The following SPOP variants were observed in gnomAD, a reference collection of about 807,000 sequenced individuals.
SPOP encodes the protein speckle-type POZ protein.
A neutral mutation model predicts 45.6 loss-of-function variants in SPOP; 11 were observed. The observed-to-expected ratio is 0.24, with a 90% CI of 0.15 to 0.40. The LOEUF is 0.40. SPOP is among the 10% of genes least tolerant of loss of function. SPOP has a pLI of 1.00. For synonymous variants in SPOP, 166 were observed against 166.3 expected (o/e 1.00, Z 0.01); for missense variants, 152 against 465.6 (o/e 0.33, Z 6.20).
At chr17:49,627,025 G>A (rs2537703) in intron 1 of SPOP, among the ~76,000 whole-genome samples, 145,430 of 152,144 alleles carry the variant, frequency 0.96, 69,565 homozygotes, top group East Asian at 1. Flanking sequence ...AATTTTTTGT[G>A]TTTTTAGTAG....
At chr17:49,674,269 A>G (rs1489658421) in intron 1 of SPOP, among the ~76,000 whole-genome samples, 1 of 152,244 alleles carries the variant, frequency 6.6e-6, no homozygotes, top group African/African-American at 2.4e-5. Context: ...GAATAGTTTG[A>G]GTAGAATTGC....
At chr17:49,655,158 C>T (rs1194658482) in intron 1 of SPOP, among the ~76,000 whole-genome samples, 1 of 152,106 alleles carries the variant, frequency 6.6e-6, no homozygotes, top group Non-Finnish European at 1.5e-5. Context: ...CTAGTCAGTT[C>T]TCAATTTTCC....
intron 1 of SPOP, among the ~76,000 whole-genome samples, chr17:49,642,312 C>G (rs1417474402): frequency 6.6e-6 from 1 of 152,038 alleles, no homozygotes; most frequent in East Asian, 1.9e-4. Context: ...CCTTGGGAGG[C>G]CAAGGCAGGC....
intron 5 of SPOP, among the ~76,000 whole-genome samples, chr17:49,617,151 G>A (rs1340463856): frequency 6.6e-6 from 1 of 152,226 alleles, no homozygotes; most frequent in African/African-American, 2.4e-5. Flanking sequence ...AAAAGCTGCA[G>A]TAAAGGTTAT....
chr17:49,657,217 T>A (rs2072925247), intron 1 of SPOP, among the ~76,000 whole-genome samples: 1 of 151,836 alleles, frequency 6.6e-6, no homozygotes, highest in Non-Finnish European at 1.5e-5. Flanking sequence ...AGAATAAAGT[T>A]GATTTTTTTA....
intron 1 of SPOP, among the ~76,000 whole-genome samples, chr17:49,633,765 T>A (rs946330818): frequency 6.6e-6 from 1 of 152,214 alleles, no homozygotes; most frequent in African/African-American, 2.4e-5. Context: ...TGCAACTCCC[T>A]GGACCTTAAA....
At chr17:49,640,510 A>G (rs1181911508) in intron 1 of SPOP, among the ~76,000 whole-genome samples, 3 of 152,168 alleles carry the variant, frequency 2.0e-5, no homozygotes, top group Non-Finnish European at 4.4e-5. Flanking sequence ...AATTTTCTGT[A>G]CTAATATAAA....
chr17:49,664,037 C>G (rs1333666130), intron 1 of SPOP, among the ~76,000 whole-genome samples: 1 of 152,144 alleles, frequency 6.6e-6, no homozygotes. Context: ...AAGACCGCAG[C>G]ATGATATTCT....
At chr17:49,677,186 T>C (rs758755345) in intron 1 of SPOP, among the ~76,000 whole-genome samples, 9 of 152,170 alleles carry the variant, frequency 5.9e-5, no homozygotes, top group Non-Finnish European at 1.3e-4. Context: ...CAAAATCCCC[T>C]GCCAGAATAA....
intron 5 of SPOP, among the ~76,000 whole-genome samples, chr17:49,614,301 T>C (rs1181836961): frequency 6.6e-6 from 1 of 152,208 alleles, no homozygotes; most frequent in East Asian, 1.9e-4. Context: ...ACAAGACTAT[T>C]ATATACAGCA....
In SPOP at chr17:49,669,690, G is replaced by A. The variant is rs112346358; in HGVS notation, c.-67+8243C>T. ...TTAGGTAAGAGAATGGCTTGGACCC[G>A]GGAGGCGGAGGTTGCAGTGAGCCGA... On this transcript the variant is annotated intron_variant, in intron 1 of 9. Coordinates refer to ENST00000504102, the MANE Select transcript of SPOP (RefSeq NM_001007228.2). Among the ~76,000 whole-genome samples, 1,002 of 149,434 alleles carry A rather than the reference G, an allele frequency of 6.7e-3. 4 individuals are homozygous for A. The highest frequency in any genetic ancestry group is 0.023 in the African/African-American group (916 of 40,592).
intron 1 of SPOP, among the ~76,000 whole-genome samples, chr17:49,656,901 G>T (rs1399400559): frequency 6.6e-6 from 1 of 152,122 alleles, no homozygotes; most frequent in African/African-American, 2.4e-5. Context: ...ACTGATTTAG[G>T]CCAGGCGCAG....
rs2143269615 is a variant in SPOP at position 49,619,262 on chromosome 17, A to G, written c.324T>C (p.Asn108=). ...VRAKFKFSIL[N]AKGEETKAME... is the part of the protein sequence containing the mutation. ...TAGCTTTGGTTTCTTCTCCCTTGGC[A>G]TTCAGGATGGAGAATTTGAATTTTG... is the stretch of plus-strand genomic sequence containing the variant. Residue 108 remains asparagine (N), a synonymous_variant, in exon 4 of 10, where the codon AAT becomes AAC. Transcript: ENST00000504102. This position sits in a 1 kb window ranked among gnomAD's most constrained non-coding sequence, Gnocchi z 4.9. The G allele has an allele frequency of 6.2e-7, 1 of 1,614,236 alleles. No homozygotes were observed. The highest frequency in any genetic ancestry group is 8.5e-7 in the Non-Finnish European group (1 of 1,180,042).
At chr17:49,649,701 C>G (rs1403741171) in intron 1 of SPOP, among the ~76,000 whole-genome samples, 1 of 146,234 alleles carries the variant, frequency 6.8e-6, no homozygotes, top group Non-Finnish European at 1.5e-5. Context: ...TGGTGGCAGG[C>G]GCCTGTAGTC....
intron 1 of SPOP, among the ~76,000 whole-genome samples, chr17:49,633,402 G>T (rs892047265): frequency 1.3e-5 from 2 of 152,096 alleles, no homozygotes; most frequent in African/African-American, 4.8e-5. Context: ...CAGTTTACAG[G>T]CTTACTGCTC....
At chr17:49,602,616 AC>A (rs1208864052) in intron 8 of SPOP, among the ~76,000 whole-genome samples, 4 of 152,154 alleles carry the variant, frequency 2.6e-5, no homozygotes, top group Non-Finnish European at 5.9e-5. Context: ...TTTTACCAAC[AC>A]CTCTGCCACT....
chr17:49,664,514 T>C (rs1438210888), intron 1 of SPOP, among the ~76,000 whole-genome samples: 1 of 152,234 alleles, frequency 6.6e-6, no homozygotes, highest in Non-Finnish European at 1.5e-5. Flanking sequence ...AATATCTAAT[T>C]TGGTAAATAT....
chr17:49,626,493 G>A (rs752765233), intron 1 of SPOP, among the ~76,000 whole-genome samples: 45 of 152,006 alleles, frequency 3.0e-4, no homozygotes, highest in Non-Finnish European at 5.3e-4. Flanking sequence ...TCAGGAGTTC[G>A]AGATCAGCCT....
At chr17:49,664,638 A>C (rs2073029593) in intron 1 of SPOP, among the ~76,000 whole-genome samples, 1 of 152,168 alleles carries the variant, frequency 6.6e-6, no homozygotes, top group Admixed American at 6.5e-5. Flanking sequence ...AATACGCCTG[A>C]TTCCAGCCAC....
Sources: allele counts gnomAD v4.1 joint callset (sites outside exome capture counted in the v4.1 genomes callset), GRCh38; gene constraint gnomAD v4.1.1; non-coding constraint Gnocchi (gnomAD v3.1); transcripts MANE v1.5; gene names NCBI Gene and HGNC (gene_info 2026-07-23, HGNC 2026-07-21).